The following ZC3H12B variants were observed in gnomAD, a reference collection of about 807,000 sequenced individuals.
ZC3H12B encodes the protein probable ribonuclease ZC3H12B.
A neutral mutation model predicts 43.9 loss-of-function variants in ZC3H12B; 7 were observed. That is an observed-to-expected ratio of 0.16 (90% confidence interval 0.09 to 0.30). The LOEUF is 0.30. Among genes scored for constraint, ZC3H12B ranks in the 10% least tolerant of loss-of-function variants. ZC3H12B has a pLI of 1.00. For missense variants in ZC3H12B, 475 were observed against 670.2 expected (o/e 0.71, Z 3.22); for synonymous variants, 222 against 241.7 (o/e 0.92, Z 0.76).
chrX:65,258,380 A>C, the ZC3H12B span, among the ~76,000 whole-genome samples: 1 of 112,121 alleles, frequency 8.9e-6, no homozygotes, highest in Non-Finnish European at 1.9e-5. Flanking sequence ...CTTCATGTTG[A>C]AAACCCTCAA....
At chrX:65,244,525 G>A in the ZC3H12B span, among the ~76,000 whole-genome samples, 3 of 108,330 alleles carry the variant, frequency 2.8e-5, no homozygotes, top group East Asian at 2.9e-4. Context: ...CAGAAGGATC[G>A]CTTGAGCTCT....
chrX:65,202,116 T>A, the ZC3H12B span, among the ~76,000 whole-genome samples: 6 of 88,080 alleles, frequency 6.8e-5, no homozygotes, highest in African/African-American at 1.4e-4. Context: ...ATAATATATA[T>A]TATATGTAAT....
chrX:65,212,616 TATATA>T, the ZC3H12B span, among the ~76,000 whole-genome samples: 1 of 83,716 alleles, frequency 1.2e-5, no homozygotes, highest in African/African-American at 4.6e-5. Context: ...ACATATATGA[TATATA>T]ATATATATAA....
chrX:65,255,940 A>C, the ZC3H12B span, among the ~76,000 whole-genome samples: 1 of 112,601 alleles, frequency 8.9e-6, no homozygotes, highest in Non-Finnish European at 1.9e-5. Flanking sequence ...AAAGTCAAAG[A>C]AGGCCAATTC....
chrX:65,117,357 TC>T, the ZC3H12B span, among the ~76,000 whole-genome samples: 1 of 112,396 alleles, frequency 8.9e-6, no homozygotes, highest in South Asian at 3.7e-4. Flanking sequence ...ATAAAGGTCT[TC>T]TTTTGAGAAT....
At chrX:65,094,863 A>T in the ZC3H12B span, among the ~76,000 whole-genome samples, 1 of 111,949 alleles carries the variant, frequency 8.9e-6, no homozygotes, top group Non-Finnish European at 1.9e-5. Context: ...TGAGGAAAAA[A>T]CACTTGTGTG....
At chrX:65,375,959 G>T (rs1268133599) in intron 2 of ZC3H12B, among the ~76,000 whole-genome samples, 1 of 112,023 alleles carries the variant, frequency 8.9e-6, no homozygotes, top group Non-Finnish European at 1.9e-5. Flanking sequence ...GTACCAGCTT[G>T]GCCACAGGAG....
the ZC3H12B span, among the ~76,000 whole-genome samples, chrX:65,268,346 C>T: frequency 4.5e-5 from 5 of 111,368 alleles, no homozygotes; most frequent in African/African-American, 1.6e-4. Flanking sequence ...AGAATTGTTA[C>T]CAATAATAGT....
At chrX:65,167,060 G>T in the ZC3H12B span, among the ~76,000 whole-genome samples, 1 of 111,847 alleles carries the variant, frequency 8.9e-6, no homozygotes, top group African/African-American at 3.2e-5. Flanking sequence ...GATTGCATTT[G>T]TCACTTCTGG....
intron 3 of ZC3H12B, among the ~76,000 whole-genome samples, chrX:65,477,171 T>C (rs749553864): frequency 1.8e-5 from 2 of 108,776 alleles, no homozygotes; most frequent in African/African-American, 3.4e-5. Context: ...TCCTGATGAT[T>C]AGGGGTAATG....
intron 3 of ZC3H12B, among the ~76,000 whole-genome samples, chrX:65,406,575 G>GGCGGGGCTGGGCGGGGCTGA (rs2066825584): frequency 1.3e-5 from 1 of 75,111 alleles, no homozygotes; most frequent in African/African-American, 5.8e-5. Flanking sequence ...AACGGGGCTG[G>GGCGGGGCTGGGCGGGGCTGA]GCGGGGCTGG....
upstream of ZC3H12B, among the ~76,000 whole-genome samples, chrX:65,486,977 G>C (rs1275102438): frequency 2.8e-4 from 31 of 112,541 alleles, no homozygotes; most frequent in Non-Finnish European, 1.3e-4. Context: ...GTGTACACTA[G>C]AAATTATTTC....
chrX:65,090,237 G>A, the ZC3H12B span, among the ~76,000 whole-genome samples: 1 of 111,537 alleles, frequency 9.0e-6, no homozygotes, highest in Admixed American at 9.5e-5. Context: ...TGTCACCAGG[G>A]GATAGGAATT....
intron 3 of ZC3H12B, among the ~76,000 whole-genome samples, chrX:65,430,773 T>A (rs2067150409): frequency 1.8e-5 from 2 of 110,852 alleles, no homozygotes; most frequent in Non-Finnish European, 3.8e-5. Context: ...TTCCAAGTCT[T>A]TGCTATTGCA....
chrX:65,481,035 T>C (rs1220788123), intron 3 of ZC3H12B, among the ~76,000 whole-genome samples: 1 of 111,120 alleles, frequency 9.0e-6, no homozygotes, highest in African/African-American at 3.3e-5. Flanking sequence ...ACGTTACAAC[T>C]AGCAGGAGTT....
chrX:65,312,671 G>A, the ZC3H12B span, among the ~76,000 whole-genome samples: 2 of 111,424 alleles, frequency 1.8e-5, no homozygotes, highest in Non-Finnish European at 3.8e-5. Context: ...GATGTCCAAG[G>A]TTAAGGTGCC....
At chrX:65,406,582 C>CTGGGCGGGGATGGGCGGGGA (rs1383589702) in intron 3 of ZC3H12B, among the ~76,000 whole-genome samples, 12 of 20,790 alleles carry the variant, frequency 5.8e-4, no homozygotes, top group African/African-American at 4.0e-3. Context: ...CTGGGCGGGG[C>CTGGGCGGGGATGGGCGGGGA]TGGGCGGGGC....
At chrX:65,343,130 C>T in the ZC3H12B span, among the ~76,000 whole-genome samples, 1 of 110,864 alleles carries the variant, frequency 9.0e-6, no homozygotes, top group East Asian at 2.8e-4. Context: ...AAATTGAATC[C>T]CTCAAGAGAC....
chrX:65,145,359 C>G, the ZC3H12B span, among the ~76,000 whole-genome samples: 1 of 109,772 alleles, frequency 9.1e-6, no homozygotes. Flanking sequence ...TTGTGTGAGT[C>G]CATATGTGTT....
Sources: gnomAD v4.1 joint callset for allele counts (sites outside exome capture counted in the v4.1 genomes callset) on GRCh38, gnomAD v4.1.1 for gene constraint, MANE v1.5 for transcripts, NCBI Gene and HGNC (gene_info 2026-07-23, HGNC 2026-07-21) for gene names.